Variants in NEK11 observed in about 807,000 individuals in gnomAD.
NEK11 encodes serine/threonine-protein kinase Nek11.
A neutral mutation model predicts 80.7 loss-of-function variants in NEK11; 72 were observed. The observed-to-expected ratio is 0.89, with a 90% CI of 0.74 to 1.08. The LOEUF (loss-of-function observed/expected upper bound fraction) is 1.08. NEK11 is among the 50% of genes least tolerant of loss of function. NEK11 has a pLI of 0.00. For missense variants in NEK11, 764 were observed against 763.6 expected, an observed-to-expected ratio of 1.00 and a Z score of -0.01; for synonymous variants, 251 against 260.7, an observed-to-expected ratio of 0.96 and a Z score of 0.36.
Position 131,128,493 on chromosome 3 carries a change from C to T in NEK11, c.456-4252C>T, listed in dbSNP as rs1382273997. 2.0e-5 allele frequency among the ~76,000 whole-genome samples: 3 copies of T among 152,176 alleles called. No homozygotes were observed. The East Asian group carries it at 5.8e-4, about 29-fold the overall frequency. On this transcript the variant is annotated intron_variant, in intron 5 of 17. Coordinates refer to ENST00000383366, the MANE Select transcript of NEK11 (RefSeq NM_024800.5). ...CTTTTCATGCCTTAATAGCTCATAT[C>T]TTCTTAGCACTAAATAATATTCTAT...
chr3:131,116,617 C>T lies in NEK11; in HGVS notation c.455+6696C>T, dbSNP rs551958538. 1.7e-3 allele frequency among the ~76,000 whole-genome samples: 255 copies of T among 152,182 alleles called. 1 individual carries two copies. Among genetic ancestry groups the T allele is most frequent in the Non-Finnish European group, 2.9e-3 (194 of 68,030 alleles). On this transcript the variant is annotated intron_variant, in intron 5 of 17. Coordinates refer to ENST00000383366, the MANE Select transcript of NEK11 (RefSeq NM_024800.5). ...ACAGTGTAAAAGTGTTCCTATTTCT[C>T]CACATCCTCTCCAGCACCTGTTGTT...
At chr3:131,119,121 C>T (rs2081904193) in intron 5 of NEK11, among the ~76,000 whole-genome samples, 1 of 152,170 alleles carries the variant, frequency 6.6e-6, no homozygotes, top group South Asian at 2.1e-4. Flanking sequence ...CTATGAATTT[C>T]CCTCTACTCA....
chr3:131,117,094 G>C (rs1310427172), intron 5 of NEK11, among the ~76,000 whole-genome samples: 2 of 152,140 alleles, frequency 1.3e-5, no homozygotes, highest in Non-Finnish European at 2.9e-5. Context: ...TTCTTCTAGG[G>C]TTTTTATGGT....
intron 3 of NEK11, among the ~76,000 whole-genome samples, chr3:131,071,105 A>G (rs1365754118): frequency 6.6e-6 from 1 of 152,234 alleles, no homozygotes; most frequent in African/African-American, 2.4e-5. Context: ...GTGAAACATC[A>G]GAGCAAAACC....
intron 17 of NEK11, chr3:131,325,541 T>C (rs2096954001): frequency 1.3e-5 from 2 of 152,206 alleles, no homozygotes; most frequent in African/African-American, 4.8e-5. Context: ...TATATATGTA[T>C]TCACTGTATT....
chr3:131,229,329 G>A (rs2095283636), intron 15 of NEK11, among the ~76,000 whole-genome samples: 2 of 152,128 alleles, frequency 1.3e-5, no homozygotes, highest in South Asian at 4.1e-4. Context: ...TCAGTGTTGA[G>A]TGTCTGCAAC....
chr3:131,201,501 A>G (rs1181236877), intron 14 of NEK11, among the ~76,000 whole-genome samples: 1 of 152,192 alleles, frequency 6.6e-6, no homozygotes. Flanking sequence ...CTCTGTACAT[A>G]TCTAGGGGAA....
chr3:131,162,579 C>G (rs751557284), intron 11 of NEK11, 52 bp downstream of exon 11: 1 of 1,597,394 alleles, frequency 6.3e-7, no homozygotes, highest in Non-Finnish European at 8.5e-7. Flanking sequence ...TCTCAGGGCT[C>G]TCAGGGAATT....
Position 131,049,963 on chromosome 3 carries a change from CAAA to C in NEK11, c.170+20098_170+20100del, listed in dbSNP as rs5852614. Among the ~76,000 whole-genome samples, 896 of 132,008 alleles carry C rather than the reference CAAA, an allele frequency of 6.8e-3. 7 individuals are homozygous for C. The highest frequency in any genetic ancestry group is 0.045 in the East Asian group (205 of 4,510). 86.6% of individuals were successfully genotyped at this position (132,008 alleles called of 152,430 possible). The stretch of plus-strand genomic sequence containing the variant: ...GGAAAATAAAACAGGTGTTTCAGTC[CAAA>C]AAAAAAAAAAAATCAAAAGGCATTA... On this transcript the variant is annotated intron_variant, in intron 3 of 17. Transcript: ENST00000383366.
intron 17 of NEK11, among the ~76,000 whole-genome samples, chr3:131,291,687 T>C (rs2096544974): frequency 6.6e-6 from 1 of 152,192 alleles, no homozygotes; most frequent in Admixed American, 6.5e-5. Context: ...AATTTGCATT[T>C]CCCTGATGAC....
intron 3 of NEK11, among the ~76,000 whole-genome samples, chr3:131,041,560 ATGTG>A (rs1175300081): frequency 6.6e-6 from 1 of 151,848 alleles, no homozygotes. Context: ...ACGTATATAT[ATGTG>A]TGTGTGTATG....
intron 14 of NEK11, among the ~76,000 whole-genome samples, chr3:131,215,228 A>G (rs747966187): frequency 2.8e-5 from 4 of 142,892 alleles, no homozygotes; most frequent in Admixed American, 7.1e-5. Flanking sequence ...AACAATGAGA[A>G]CACTTGGTCA....
intron 17 of NEK11, among the ~76,000 whole-genome samples, chr3:131,333,092 C>A (rs908516956): frequency 8.5e-5 from 13 of 152,200 alleles, no homozygotes; most frequent in Non-Finnish European, 1.5e-4. Context: ...GCAGGCCAAC[C>A]TTCAGATTCA....
intron 3 of NEK11, among the ~76,000 whole-genome samples, chr3:131,057,517 G>C (rs2069805621): frequency 1.3e-5 from 2 of 151,560 alleles, no homozygotes; most frequent in South Asian, 2.1e-4. Context: ...GTGTAAAAGT[G>C]TTCCTATTTC....
chr3:131,282,232 T>C (rs1461121519), intron 17 of NEK11, among the ~76,000 whole-genome samples: 2 of 149,014 alleles, frequency 1.3e-5, no homozygotes, highest in Admixed American at 6.6e-5. Flanking sequence ...GATTTTGGTG[T>C]CATCAGTTTT....
At chr3:131,084,552 A>G (rs143649110) in intron 4 of NEK11, among the ~76,000 whole-genome samples, 1 of 152,350 alleles carries the variant, frequency 6.6e-6, no homozygotes, top group Non-Finnish European at 1.5e-5. Context: ...AAACCTAGGC[A>G]TTAAATTAGT....
chr3:131,114,386 A>G (rs549041017), intron 5 of NEK11, among the ~76,000 whole-genome samples: 1 of 152,320 alleles, frequency 6.6e-6, no homozygotes, highest in East Asian at 1.9e-4. Flanking sequence ...TGTATTAACA[A>G]AACTCCAGTG....
At chr3:131,326,671 C>T (rs79133287) in intron 17 of NEK11, among the ~76,000 whole-genome samples, 18,076 of 152,078 alleles carry the variant, frequency 0.12, 1,525 homozygotes, top group East Asian at 0.3. Flanking sequence ...TGCTCTGGGC[C>T]CTGTGCTGTA....
Position 131,349,563 on chromosome 3 carries a change from C to T in NEK11, c.1725C>T (p.Ala575=). ...RTKMKRMRES[A]MQKLGTEVFE... Reference sequence around the variant, plus strand: ...TTTGTAACTTTTTTGACAGATCAGCCATGCAGAAGCTGGGGACAGAAGTAT... The same window carrying T: ...TTTGTAACTTTTTTGACAGATCAGCTATGCAGAAGCTGGGGACAGAAGTAT... Residue 575 remains alanine (A), a synonymous_variant, in exon 18 of 18, where the codon GCC becomes GCT. Transcript: ENST00000383366. 1 of 1,613,430 alleles carries T rather than the reference C, an allele frequency of 6.2e-7. No individual in the cohort carries two copies. Among genetic ancestry groups the T allele is most frequent in the Non-Finnish European group, 8.5e-7 (1 of 1,179,588 alleles).
Sources: allele counts gnomAD v4.1 joint callset (sites outside exome capture counted in the v4.1 genomes callset), GRCh38; gene constraint gnomAD v4.1.1; transcripts MANE v1.5; gene names NCBI Gene and HGNC (gene_info 2026-07-23, HGNC 2026-07-21).